Variants in C19orf47 observed in about 807,000 individuals in gnomAD.
C19orf47 encodes chromosome 19 open reading frame 47, also known as uncharacterized protein C19orf47.
C19orf47 carries 18 observed loss-of-function variants against 32.3 expected under a neutral mutation model. That is an observed-to-expected ratio of 0.56 (90% CI 0.39 to 0.83). C19orf47 has a LOEUF of 0.83. Among genes scored for constraint, C19orf47 ranks in the 40% least tolerant of loss-of-function variants. The pLI is 0.00. For missense variants in C19orf47, 484 were observed against 531.6 expected, an observed-to-expected ratio of 0.91 and a Z score of 0.88; for synonymous variants, 202 against 211.1, an observed-to-expected ratio of 0.96 and a Z score of 0.37.
chr19:40,321,907 T>C lies in C19orf47; in HGVS notation c.1133A>G (p.Lys378Arg), dbSNP rs1029298965. 1.2e-6 allele frequency: 2 copies of C among 1,608,398 alleles called. No homozygotes were observed. Among genetic ancestry groups the C allele is most frequent in the South Asian group, 1.1e-5 (1 of 90,608 alleles). Residue 378 changes from lysine to arginine, a missense_variant, in exon 9 of 9, where the codon AAA becomes AGA. By Grantham distance (26) the Lys-to-Arg change is conservative. Transcript: ENST00000683109. ...CTAGAAGGTCCTGCGGCCCAGTCTT[T>C]TGAACACGCTCACAGTGCCCGCGTG... ...MDHAGTVSVFKRLGRRTF is the reference protein window; with the variant it reads ...MDHAGTVSVFRRLGRRTF
intron 2 of C19orf47, among the ~76,000 whole-genome samples, chr19:40,341,290 T>G (rs2078172790): frequency 6.7e-6 from 1 of 149,442 alleles, no homozygotes; most frequent in Non-Finnish European, 1.5e-5. Context: ...GCCGAGATCG[T>G]GCCATTGCAC....
the C19orf47 span, among the ~76,000 whole-genome samples, chr19:40,310,582 A>G: frequency 1.3e-5 from 2 of 152,160 alleles, no homozygotes; most frequent in Non-Finnish European, 2.9e-5. Context: ...ACCCAGCCGA[A>G]TTGTTCACTT....
chr19:40,301,784 G>A, the C19orf47 span, among the ~76,000 whole-genome samples: 1 of 151,660 alleles, frequency 6.6e-6, no homozygotes, highest in East Asian at 2.0e-4. Flanking sequence ...GGTGGAGGTT[G>A]CAGTGAGCCA....
At chr19:40,345,550 A>C (rs964370148) in intron 1 of C19orf47, among the ~76,000 whole-genome samples, 1 of 150,248 alleles carries the variant, frequency 6.7e-6, no homozygotes, top group African/African-American at 2.5e-5. Context: ...AAAAAAAAAA[A>C]AAAAAAAAAA....
chr19:40,348,156 T>TA (rs1326946612), intron 1 of C19orf47, among the ~76,000 whole-genome samples, 168 bp downstream of exon 1: 3 of 152,162 alleles, frequency 2.0e-5, no homozygotes, highest in African/African-American at 7.2e-5. Context: ...AAGCCGGTGA[T>TA]ACAGTCGGAT....
intron 2 of C19orf47, among the ~76,000 whole-genome samples, chr19:40,336,802 C>T (rs1399971741): frequency 6.6e-6 from 1 of 152,100 alleles, no homozygotes; most frequent in Non-Finnish European, 1.5e-5. Flanking sequence ...GGTTCTCTGC[C>T]CTAGTCCCCA....
At chr19:40,306,332 A>T in the C19orf47 span, among the ~76,000 whole-genome samples, 10 of 152,192 alleles carry the variant, frequency 6.6e-5, no homozygotes, top group Admixed American at 5.2e-4. Flanking sequence ...GAACAGTAAG[A>T]CAAATGGAAC....
downstream of C19orf47, among the ~76,000 whole-genome samples, chr19:40,318,791 C>T (rs1391099128): frequency 6.6e-6 from 1 of 152,198 alleles, no homozygotes; most frequent in African/African-American, 2.4e-5. Flanking sequence ...TCCTGAAGTC[C>T]GGCCCTTCAC....
intron 5 of C19orf47, among the ~76,000 whole-genome samples, chr19:40,329,460 C>T (rs2077903040): frequency 2.0e-5 from 3 of 152,000 alleles, no homozygotes; most frequent in Admixed American, 1.3e-4. Flanking sequence ...GAGCTGTGAT[C>T]GCACTACTGC....
chr19:40,299,124 C>G, the C19orf47 span, among the ~76,000 whole-genome samples: 1,404 of 152,128 alleles, frequency 9.2e-3, 22 homozygotes, highest in Non-Finnish European at 7.3e-3. Context: ...AAATAATTTT[C>G]TCTTTCATGT....
At chr19:40,297,664 C>A in the C19orf47 span, among the ~76,000 whole-genome samples, 4 of 135,244 alleles carry the variant, frequency 3.0e-5, no homozygotes, top group East Asian at 8.5e-4. Flanking sequence ...TGCACCACTG[C>A]ACTCCAGCCT....
At chr19:40,315,038 A>T (rs1343986509), downstream of C19orf47, among the ~76,000 whole-genome samples, 2 of 152,178 alleles carry the variant, frequency 1.3e-5, no homozygotes, top group Non-Finnish European at 2.9e-5. Flanking sequence ...AGTCTGAGCA[A>T]CTGCCCTAGC....
Position 40,321,663 on chromosome 19 carries a change from G to C in C19orf47, c.*219C>G. 7.2e-7 allele frequency: 1 copy of C among 1,392,746 alleles called. No homozygotes were observed. The highest frequency in any genetic ancestry group is 9.3e-7 in the Non-Finnish European group (1 of 1,079,470). 86.3% of individuals were successfully genotyped at this position (1,392,746 alleles called of 1,614,324 possible). On this transcript the variant is annotated 3_prime_UTR_variant, in exon 9 of 9. Transcript: ENST00000683109. ...AGAGAAGAAAGCACAGAGGACATGA[G>C]AGAAGGGGAGTCCTGGAGCAGGCCA...
chr19:40,332,715 C>T (rs1478080368), intron 5 of C19orf47: 1 of 151,880 alleles, frequency 6.6e-6, no homozygotes, highest in Non-Finnish European at 1.5e-5. Flanking sequence ...TCCATATTTG[C>T]AAACTTGCCT....
downstream of C19orf47, among the ~76,000 whole-genome samples, chr19:40,318,181 C>T (rs1030594474): frequency 2.6e-5 from 4 of 152,054 alleles, no homozygotes; most frequent in African/African-American, 4.8e-5. Flanking sequence ...CCCAAGAGTT[C>T]GAGCCCAGCA....
chr19:40,293,332 G>C, the C19orf47 span, among the ~76,000 whole-genome samples: 1 of 151,904 alleles, frequency 6.6e-6, no homozygotes, highest in Non-Finnish European at 1.5e-5. Flanking sequence ...TTTTAGTAGA[G>C]ATGGGGTTTC....
the C19orf47 span, among the ~76,000 whole-genome samples, chr19:40,294,407 C>G: frequency 1.3e-5 from 2 of 151,818 alleles, no homozygotes; most frequent in Non-Finnish European, 2.9e-5. Context: ...TATAATAACT[C>G]TGGTTTTTTT....
intron 1 of C19orf47, among the ~76,000 whole-genome samples, chr19:40,346,261 T>C (rs1184343111): frequency 2.0e-5 from 3 of 147,744 alleles, no homozygotes; most frequent in Non-Finnish European, 4.5e-5. Flanking sequence ...CTGGCCAACA[T>C]AGTGAAACCC....
Position 40,348,370 on chromosome 19 carries a change from C to A in C19orf47, c.-80G>T. 1 of 1,416,686 alleles carries A rather than the reference C, an allele frequency of 7.1e-7. No homozygotes were observed. The highest frequency in any genetic ancestry group is 9.2e-7 in the Non-Finnish European group (1 of 1,085,664). The allele number at this position is 1,416,686 out of a possible 1,614,324, so 87.8% of individuals were successfully genotyped here. ...CACTCGCGCCGCCCGCCCTCCCTCCCGGCGGCGCCAACTGTCAGACACTCC... is the reference window on the plus strand; with the variant it reads ...CACTCGCGCCGCCCGCCCTCCCTCCAGGCGGCGCCAACTGTCAGACACTCC... On this transcript the variant is annotated 5_prime_UTR_variant, in exon 1 of 9. Coordinates refer to ENST00000683109, the MANE Select transcript of C19orf47 (RefSeq NM_001256441.2).
Sources: allele counts gnomAD v4.1 joint callset (sites outside exome capture counted in the v4.1 genomes callset), GRCh38; gene constraint gnomAD v4.1.1; transcripts MANE v1.5; gene names NCBI Gene and HGNC (gene_info 2026-07-23, HGNC 2026-07-21).